The following TMEM216 variants were observed in gnomAD, a reference collection of about 807,000 sequenced individuals.
The protein encoded by TMEM216 is transmembrane protein 216.
TMEM216 carries 15 observed loss-of-function variants against 17.8 expected under a neutral mutation model. The observed-to-expected ratio is 0.84, with a 90% CI of 0.56 to 1.30. The LOEUF is 1.30. TMEM216 is among the 50% of genes most tolerant of loss of function. The pLI, the probability that TMEM216 is intolerant of heterozygous loss-of-function variation, is 0.00. For synonymous variants in TMEM216, 58 were observed against 73.5 expected (o/e 0.79, Z 1.08); for missense variants, 160 against 175.7 (o/e 0.91, Z 0.51).
At chr11:61,396,472 T>C (rs1858799771) in intron 3 of TMEM216, among the ~76,000 whole-genome samples, 1 of 150,414 alleles carries the variant, frequency 6.6e-6, no homozygotes, top group South Asian at 2.1e-4. Context: ...AGCTAGACTC[T>C]GTCTCAAAAA....
intron 3 of TMEM216, among the ~76,000 whole-genome samples, chr11:61,397,061 G>A (rs889380139): frequency 5.3e-5 from 8 of 151,884 alleles, no homozygotes; most frequent in South Asian, 2.1e-4. Flanking sequence ...GAATATATAC[G>A]TATAAAAAAT....
chr11:61,398,323 T>C lies in TMEM216; in HGVS notation c.*47T>C, dbSNP rs1312866042. On this transcript the variant is annotated 3_prime_UTR_variant, in exon 5 of 5. Coordinates refer to ENST00000515837, the MANE Select transcript of TMEM216 (RefSeq NM_001173990.3). ...GCCCATCAGGCTGACACCACACATA[T>C]TGCTTCTGGTACTTTAGCCACACCA... The C allele has an allele frequency of 2.5e-6, 4 of 1,599,164 alleles. No homozygotes were observed. The Admixed American group carries it at 5.1e-5, about 20-fold the overall frequency.
intron 3 of TMEM216, among the ~76,000 whole-genome samples, chr11:61,396,283 A>G (rs1048219747): frequency 6.6e-6 from 1 of 151,182 alleles, no homozygotes; most frequent in East Asian, 2.0e-4. Flanking sequence ...GATCGAGACC[A>G]TCCTGGCCCA....
intron 4 of TMEM216, 100 bp downstream of exon 4, chr11:61,398,075 T>C (rs548151370): frequency 2.7e-6 from 4 of 1,479,112 alleles, no homozygotes; most frequent in Middle Eastern, 1.8e-4. Context: ...TCTAGAAGAC[T>C]TTTTTCTAGA....
At position 61,392,616 on chromosome 11, in the gene TMEM216, G is replaced by A. The variant is rs1451551311; in HGVS notation, c.-16G>A. On this transcript the variant is annotated 5_prime_UTR_variant, in exon 1 of 5. Coordinates refer to ENST00000515837, the MANE Select transcript of TMEM216 (RefSeq NM_001173990.3). ...CCGGCAGCGCCGCGCTGCTCCGGGA[G>A]CCGCTGTGGCAGCGTATGCTGCCAC... 6.5e-7 allele frequency: 1 copy of A among 1,535,606 alleles called. No individual in the cohort carries two copies.
rs781603719 is a variant in TMEM216 at position 61,397,853 on chromosome 11, C to T, written c.309C>T (p.Ala103=). The T allele has an allele frequency of 1.2e-6, 2 of 1,613,882 alleles. No homozygotes were observed. Among genetic ancestry groups the T allele is most frequent in the African/African-American group, 2.7e-5 (2 of 74,928 alleles). The change falls in exon 4 of 5, where the codon GCC becomes GCT. Residue 103 remains alanine (A), a synonymous_variant. Coordinates refer to ENST00000515837, the MANE Select transcript of TMEM216 (RefSeq NM_001173990.3). ...VALTFPSAMM[A]SYYLLLQTYV... is the part of the protein sequence containing the mutation. ...TGACCTTCCCATCTGCCATGATGGCCTCCTATTACCTGCTGCTGCAGACCT... is the reference window on the plus strand; with the variant it reads ...TGACCTTCCCATCTGCCATGATGGCTTCCTATTACCTGCTGCTGCAGACCT...
At chr11:61,394,116 C>G in intron 3 of TMEM216, 140 bp downstream of exon 3, 1 of 737,534 alleles carries the variant, frequency 1.4e-6, no homozygotes, top group Non-Finnish European at 2.3e-6. Flanking sequence ...TCTGAAGTTT[C>G]AAGTTGCTGC....
intron 3 of TMEM216, chr11:61,394,188 A>C: frequency 1.9e-6 from 1 of 538,176 alleles, no homozygotes; most frequent in Non-Finnish European, 3.4e-6. Context: ...TGGGCAATAG[A>C]ATGGGATATT....
In TMEM216 at chr11:61,393,233, AAAC is replaced by A. The variant is rs1565088248; in HGVS notation, c.38_40del (p.Lys13del). The A allele has an allele frequency of 1.3e-6, 2 of 1,535,232 alleles. No individual in the cohort carries two copies. Among genetic ancestry groups the A allele is most frequent in the East Asian group, 2.4e-5 (1 of 40,902 alleles). On this transcript the variant is annotated inframe_deletion, in exon 2 of 5. Coordinates refer to ENST00000515837, the MANE Select transcript of TMEM216 (RefSeq NM_001173990.3). ...ACTTCTCTGTGCTCCTTTTTCAGGTAAACGGTTGTCCTCCACCCCGCTGGAAAT... is the reference window on the plus strand; with the variant it reads ...ACTTCTCTGTGCTCCTTTTTCAGGTAGGTTGTCCTCCACCCCGCTGGAAAT...
chr11:61,392,820 C>T, intron 1 of TMEM216, 155 bp downstream of exon 1: 4 of 1,506,526 alleles, frequency 2.7e-6, no homozygotes, highest in Non-Finnish European at 3.5e-6. Context: ...CCCGCCCACC[C>T]TGGGTGCCTG....
intron 2 of TMEM216, 66 bp downstream of exon 2, chr11:61,393,398 C>G: frequency 8.8e-7 from 1 of 1,129,950 alleles, no homozygotes; most frequent in Non-Finnish European, 1.3e-6. Context: ...CAATTCCTAC[C>G]AAGAACCTTC....
At position 61,393,887 on chromosome 11, in the gene TMEM216, T is replaced by G. The variant is rs762918371; in HGVS notation, c.140T>G (p.Val47Gly). 2 of 1,612,900 alleles carry G rather than the reference T, an allele frequency of 1.2e-6. No homozygotes were observed. Among genetic ancestry groups the G allele is most frequent in the Non-Finnish European group, 8.5e-7 (1 of 1,179,374 alleles). ...LELFIFLYKG[V>G]LLPYPTANLV... ...ACTCTGGCTTTTGTATTGGCAGGTG[T>G]CCTGCTACCATATCCAACAGCTAAC... The change falls in exon 3 of 5, where the codon GTC becomes GGC. Residue 47 changes from valine to glycine, a missense_variant. By Grantham distance (109) the Val-to-Gly change is moderately radical. Coordinates refer to ENST00000515837, the MANE Select transcript of TMEM216 (RefSeq NM_001173990.3).
Position 61,393,213 on chromosome 11 carries a change from T to G in TMEM216, c.35-18T>G. 1 of 1,529,956 alleles carries G rather than the reference T, an allele frequency of 6.5e-7. No homozygotes were observed. The highest frequency in any genetic ancestry group is 8.8e-7 in the Non-Finnish European group (1 of 1,141,720). 94.8% of individuals were successfully genotyped at this position (1,529,956 alleles called of 1,614,324 possible). A position where few individuals can be genotyped will look rare whatever the true frequency, so the allele number is the denominator to read the frequency against. ...GCTGCCTTCCGGCCCATCCCACTTC[T>G]CTGTGCTCCTTTTTCAGGTAAACGG... On this transcript the variant is annotated intron_variant, in intron 1 of 4. Coordinates refer to ENST00000515837, the MANE Select transcript of TMEM216 (RefSeq NM_001173990.3).
intron 1 of TMEM216, 25 bp downstream of exon 1, chr11:61,392,690 C>T (rs1858701357): frequency 6.5e-7 from 1 of 1,534,500 alleles, no homozygotes; most frequent in African/African-American, 1.4e-5. Flanking sequence ...GTGTGTGAGT[C>T]GCTGGTCCCT....
chr11:61,397,297 G>A (rs558038919), intron 3 of TMEM216, among the ~76,000 whole-genome samples: 1 of 151,706 alleles, frequency 6.6e-6, no homozygotes, highest in Non-Finnish European at 1.5e-5. Context: ...CTCCCGAGTA[G>A]CTGGGACTAC....
intron 3 of TMEM216, 77 bp from the exon 4 acceptor site, chr11:61,397,697 T>C (rs1295428770): frequency 3.6e-5 from 50 of 1,376,042 alleles, no homozygotes; most frequent in Non-Finnish European, 4.8e-5. Flanking sequence ...TGCCATTCCA[T>C]CACATCTCCC....
intron 4 of TMEM216, 52 bp downstream of exon 4, chr11:61,398,027 C>T (rs1858838994): frequency 6.3e-7 from 1 of 1,597,728 alleles, no homozygotes; most frequent in South Asian, 1.1e-5. Flanking sequence ...GGTTCCCATC[C>T]CAGGGAGGGA....
chr11:61,392,787 G>T, intron 1 of TMEM216, 122 bp downstream of exon 1: 1 of 1,523,528 alleles, frequency 6.6e-7, no homozygotes, highest in Non-Finnish European at 8.8e-7. Flanking sequence ...GCGCCTCCCT[G>T]GTCCAAAGCC....
chr11:61,393,341 G>A lies in TMEM216; in HGVS notation c.136+9G>A, dbSNP rs1858721749. The A allele has an allele frequency of 6.6e-7, 1 of 1,514,172 alleles. No individual in the cohort carries two copies. Among genetic ancestry groups the A allele is most frequent in the Non-Finnish European group, 8.9e-7 (1 of 1,126,960 alleles). 93.8% of individuals were successfully genotyped at this position (1,514,172 alleles called of 1,614,324 possible). ...CATATTTCTGTATAAAGGTAAGGAA[G>A]GCTTGGGGCTTGACGACAGCATCCC... On this transcript the variant is annotated intron_variant, in intron 2 of 4. Transcript: ENST00000515837.
Sources: gnomAD v4.1 joint callset for allele counts (sites outside exome capture counted in the v4.1 genomes callset) on GRCh38, gnomAD v4.1.1 for gene constraint, MANE v1.5 for transcripts, NCBI Gene and HGNC (gene_info 2026-07-23, HGNC 2026-07-21) for gene names.